Variants in MACROD2 observed in about 807,000 individuals in gnomAD.
MACROD2 encodes the protein mono-ADP ribosylhydrolase 2, also known as ADP-ribose glycohydrolase MACROD2.
Under a neutral mutation model 70.4 loss-of-function variants are expected in MACROD2, and 36 were observed. The ratio of observed to expected loss-of-function variants is 0.51; its 90% CI spans 0.39 to 0.68. The LOEUF (loss-of-function observed/expected upper bound fraction) is 0.68, where lower values mean the gene tolerates loss of function less well. MACROD2 is among the 30% of genes least tolerant of loss of function. The pLI, the probability that MACROD2 is intolerant of heterozygous loss-of-function variation, is 0.00. For synonymous variants in MACROD2, 172 were observed against 178.8 expected (o/e 0.96, Z 0.30); for missense variants, 496 against 538.4 (o/e 0.92, Z 0.78).
intron 8 of MACROD2, among the ~76,000 whole-genome samples, chr20:15,711,457 G>A (rs190467354): frequency 6.6e-6 from 1 of 152,184 alleles, no homozygotes; most frequent in Non-Finnish European, 1.5e-5. Flanking sequence ...TTAACTGTCA[G>A]GTTAGCCATT....
intron 10 of MACROD2, among the ~76,000 whole-genome samples, chr20:15,926,458 G>T (rs114341721): frequency 6.6e-6 from 1 of 152,160 alleles, no homozygotes; most frequent in Non-Finnish European, 1.5e-5. Context: ...TCAAGGAGGG[G>T]CAGGAACACA....
chr20:14,953,424 A>G (rs1267364277), intron 5 of MACROD2, among the ~76,000 whole-genome samples: 1 of 152,012 alleles, frequency 6.6e-6, no homozygotes, highest in Non-Finnish European at 1.5e-5. Flanking sequence ...CTCCTGTCTC[A>G]GCCTACCGAG....
chr20:15,489,501 C>T (rs2047201178), intron 7 of MACROD2, among the ~76,000 whole-genome samples: 1 of 152,180 alleles, frequency 6.6e-6, no homozygotes, highest in Non-Finnish European at 1.5e-5. Context: ...GCCAGCTTTT[C>T]TACCTTCTCA....
At chr20:15,494,216 C>T (rs527431217) in intron 7 of MACROD2, among the ~76,000 whole-genome samples, 6 of 152,280 alleles carry the variant, frequency 3.9e-5, no homozygotes, top group Admixed American at 3.3e-4. Flanking sequence ...CATCATTTTA[C>T]ACTTTCATAT....
intron 5 of MACROD2, among the ~76,000 whole-genome samples, chr20:14,874,285 GATTC>G (rs997621260): frequency 4.1e-4 from 55 of 134,538 alleles, no homozygotes; most frequent in Middle Eastern, 4.0e-3. Context: ...ATCAAATGGA[GATTC>G]ATTTATTTAT....
intron 6 of MACROD2, among the ~76,000 whole-genome samples, chr20:15,270,931 T>G (rs996700864): frequency 7.2e-5 from 11 of 152,334 alleles, no homozygotes; most frequent in Middle Eastern, 3.4e-3. Context: ...TCGGTTCTAC[T>G]TCTGCTTCTT....
intron 5 of MACROD2, among the ~76,000 whole-genome samples, chr20:15,157,927 T>C (rs535981012): frequency 6.6e-6 from 1 of 152,282 alleles, no homozygotes; most frequent in South Asian, 2.1e-4. Context: ...TCCCCATTGC[T>C]GTGAACCTCA....
chr20:15,876,035 C>T (rs62196588), intron 9 of MACROD2, among the ~76,000 whole-genome samples: 23,906 of 148,080 alleles, frequency 0.16, 2,101 homozygotes, highest in South Asian at 0.29. Flanking sequence ...AAAATTTCTG[C>T]AAACTATATT....
rs1284686462 is a variant in MACROD2, at chr20:14,306,354, C to A, written c.272-187125C>A. 2.0e-5 allele frequency among the ~76,000 whole-genome samples: 3 copies of A among 152,044 alleles called. No individual in the cohort carries two copies. In the East Asian group the frequency reaches 5.8e-4, roughly 29 times the overall value. On this transcript the variant is annotated intron_variant, in intron 3 of 17. Transcript: ENST00000684519. ...TATTGATAAAAAGCTTGAAAAAATTCAGGCTTGAGGACAGGTTCTGTGTTG... is the reference window on the plus strand; with the variant it reads ...TATTGATAAAAAGCTTGAAAAAATTAAGGCTTGAGGACAGGTTCTGTGTTG...
chr20:15,228,833 T>C (rs927199946), intron 5 of MACROD2, among the ~76,000 whole-genome samples: 2 of 152,196 alleles, frequency 1.3e-5, no homozygotes, highest in Admixed American at 6.5e-5. Context: ...AAATGCCATA[T>C]GCATTTTTTA....
intron 5 of MACROD2, among the ~76,000 whole-genome samples, chr20:15,043,788 C>T (rs1374944966): frequency 2.6e-5 from 4 of 152,166 alleles, no homozygotes; most frequent in African/African-American, 7.2e-5. Flanking sequence ...GTTCCCACGA[C>T]ACTCTCCTCG....
intron 4 of MACROD2, among the ~76,000 whole-genome samples, chr20:14,515,454 T>TACACAC (rs771413463): frequency 0.36 from 41,542 of 114,226 alleles, 6,660 homozygotes; most frequent in South Asian, 0.47. Context: ...ATATGTGAGA[T>TACACAC]ACACACACAC....
At chr20:14,408,741 A>G (rs2083717487) in intron 3 of MACROD2, among the ~76,000 whole-genome samples, 1 of 152,016 alleles carries the variant, frequency 6.6e-6, no homozygotes, top group African/African-American at 2.4e-5. Context: ...ATAACATCTT[A>G]CTCTTTGTGT....
chr20:14,574,839 G>A (rs946384331), intron 4 of MACROD2, among the ~76,000 whole-genome samples: 1 of 147,474 alleles, frequency 6.8e-6, no homozygotes, highest in African/African-American at 2.5e-5. Flanking sequence ...GTGAAACCCC[G>A]TCTCTACTAA....
chr20:15,161,045 TAGA>T (rs2076344847), intron 5 of MACROD2, among the ~76,000 whole-genome samples: 2 of 152,062 alleles, frequency 1.3e-5, no homozygotes, highest in South Asian at 4.1e-4. Context: ...TAAGGAGCAG[TAGA>T]AGTTTTTATT....
chr20:15,106,593 G>C (rs2075912195), intron 5 of MACROD2, among the ~76,000 whole-genome samples: 1 of 152,128 alleles, frequency 6.6e-6, no homozygotes, highest in African/African-American at 2.4e-5. Flanking sequence ...CCTCTGTGCA[G>C]GGCTAACCAC....
intron 5 of MACROD2, among the ~76,000 whole-genome samples, chr20:15,154,950 A>G (rs1335963009): frequency 2.6e-5 from 4 of 152,190 alleles, no homozygotes; most frequent in Admixed American, 2.0e-4. Flanking sequence ...AAAGAGTGAG[A>G]TCTGTAGCCA....
At chr20:15,476,369 A>G (rs1191758901) in intron 7 of MACROD2, among the ~76,000 whole-genome samples, 1 of 152,232 alleles carries the variant, frequency 6.6e-6, no homozygotes, top group Non-Finnish European at 1.5e-5. Context: ...AATAAGGAGA[A>G]TGAGGTATTC....
intron 5 of MACROD2, among the ~76,000 whole-genome samples, chr20:14,874,226 C>T (rs2073522787): frequency 6.6e-6 from 1 of 151,840 alleles, no homozygotes; most frequent in South Asian, 2.1e-4. Context: ...ACAAAAATCA[C>T]AGAACCAGTA....
Sources: gnomAD v4.1 joint callset for allele counts (sites outside exome capture counted in the v4.1 genomes callset) on GRCh38, gnomAD v4.1.1 for gene constraint, MANE v1.5 for transcripts, NCBI Gene and HGNC (gene_info 2026-07-23, HGNC 2026-07-21) for gene names.